Variants in PLXNA4 observed in about 807,000 individuals in gnomAD.
The protein encoded by PLXNA4 is plexin A4.
A neutral mutation model predicts 191.8 loss-of-function variants in PLXNA4; 44 were observed. The observed-to-expected ratio is 0.23, with a 90% confidence interval of 0.18 to 0.29. The LOEUF (loss-of-function observed/expected upper bound fraction) is 0.29. Among genes scored for constraint, PLXNA4 ranks in the 10% least tolerant of loss-of-function variants. The pLI is 1.00. For synonymous variants in PLXNA4, 1,082 were observed against 1,009.5 expected, an observed-to-expected ratio of 1.07 and a Z score of -1.36; for missense variants, 1,800 against 2,488.8, an observed-to-expected ratio of 0.72 and a Z score of 5.89.
At chr7:132,162,801 G>A (rs756495201) in intron 24 of PLXNA4, among the ~76,000 whole-genome samples, 10 of 152,040 alleles carry the variant, frequency 6.6e-5, no homozygotes, top group Admixed American at 2.0e-4. Flanking sequence ...TGGGATTCCC[G>A]GGGCTTTTGG....
intron 20 of PLXNA4, among the ~76,000 whole-genome samples, chr7:132,176,770 ATGAG>A (rs1021551918): frequency 2.0e-5 from 3 of 151,510 alleles, no homozygotes; most frequent in Non-Finnish European, 4.4e-5. Context: ...GTGTGAGTGC[ATGAG>A]TGTGTGTGTA....
rs71529758 is a variant in PLXNA4, at chr7:132,334,252, C to CTTTTTTTTTTT, written c.1372-36041_1372-36031dup. ...TTTCTTTTCTTTTCTTTCTTTCTTT[C>CTTTTTTTTTTT]TTTTTTTTTTTTTTTTTTTTTTTGA... is the stretch of plus-strand genomic sequence containing the variant. On this transcript the variant is annotated intron_variant, in intron 3 of 31. Coordinates refer to ENST00000321063, the MANE Select transcript of PLXNA4 (RefSeq NM_020911.2). Among the ~76,000 whole-genome samples, 40 of 75,596 alleles carry CTTTTTTTTTTT rather than the reference C, an allele frequency of 5.3e-4. 1 individual carries two copies. Among genetic ancestry groups the CTTTTTTTTTTT allele is most frequent in the East Asian group, 1.0e-3 (3 of 2,932 alleles). 49.6% of individuals were successfully genotyped at this position (75,596 alleles called of 152,430 possible).
intron 31 of PLXNA4, among the ~76,000 whole-genome samples, chr7:132,131,484 T>C (rs4731850): frequency 0.75 from 113,090 of 151,742 alleles, 42,384 homozygotes; most frequent in East Asian, 0.83. Flanking sequence ...ACTGATGTTG[T>C]AGTTTGAGGG....
intron 3 of PLXNA4, among the ~76,000 whole-genome samples, chr7:132,345,697 A>C (rs1338955600): frequency 1.3e-5 from 2 of 152,172 alleles, no homozygotes; most frequent in Non-Finnish European, 2.9e-5. Flanking sequence ...GCAGGGCCCC[A>C]GGGGCTCCAG....
At chr7:132,339,727 C>CT (rs1802951883) in intron 3 of PLXNA4, among the ~76,000 whole-genome samples, 1 of 152,166 alleles carries the variant, frequency 6.6e-6, no homozygotes, top group Admixed American at 6.5e-5. Context: ...AATTTTCCAT[C>CT]TTTTTAGGTT....
intron 2 of PLXNA4, among the ~76,000 whole-genome samples, chr7:132,597,848 T>G: frequency 1.9e-5 from 1 of 51,352 alleles, no homozygotes; most frequent in South Asian, 1.5e-3. Context: ...GCGCTCTCTC[T>G]CTCTCTCTCT....
chr7:132,189,056 G>GAGAA (rs1562909273), intron 14 of PLXNA4, among the ~76,000 whole-genome samples: 2 of 102,474 alleles, frequency 2.0e-5, no homozygotes, highest in South Asian at 3.2e-4. Flanking sequence ...GAGAGAGAGA[G>GAGAA]AGAGAGAGAG....
Position 132,406,029 on chromosome 7 carries a change from A to G in PLXNA4, c.1371+83263T>C, listed in dbSNP as rs138213699. ...GCACCATTTGAGCAGCAGGGCAGTG[A>G]CAATGACTCAATGTGGCCTCAGTGC... On this transcript the variant is annotated intron_variant, in intron 3 of 31. Coordinates refer to ENST00000321063, the MANE Select transcript of PLXNA4 (RefSeq NM_020911.2). 9.9e-3 allele frequency among the ~76,000 whole-genome samples: 1,505 copies of G among 152,344 alleles called. 15 individuals are homozygous for G. The highest frequency in any genetic ancestry group is 0.037 in the Middle Eastern group (11 of 294).
Position 132,133,046 on chromosome 7 carries a change from T to TA in PLXNA4, c.5589+2dup. The TA allele has an allele frequency of 6.2e-7, 1 of 1,613,446 alleles. No homozygotes were observed. Among genetic ancestry groups the TA allele is most frequent in the Non-Finnish European group, 8.5e-7 (1 of 1,179,642 alleles). On this transcript the variant is annotated splice_region_variant and intron_variant, in intron 31 of 31. Coordinates refer to ENST00000321063, the MANE Select transcript of PLXNA4 (RefSeq NM_020911.2). Reference sequence around the variant, plus strand: ...AATGGGCCTGGAGCAGGGCAAAGCTTACCTCCTCGCTGTATTTGCCCACAT... The same window carrying TA: ...AATGGGCCTGGAGCAGGGCAAAGCTTAACCTCCTCGCTGTATTTGCCCACAT...
chr7:132,132,422 GTTCT>G (rs1482312345), intron 31 of PLXNA4, among the ~76,000 whole-genome samples: 3 of 76,032 alleles, frequency 3.9e-5, no homozygotes, highest in African/African-American at 1.5e-4. Context: ...GTTCTGTTCT[GTTCT>G]GTTCTGTTCT....
At chr7:132,369,536 G>A (rs1001174577) in intron 3 of PLXNA4, among the ~76,000 whole-genome samples, 1 of 152,092 alleles carries the variant, frequency 6.6e-6, no homozygotes, top group African/African-American at 2.4e-5. Flanking sequence ...TGGAAAGAAT[G>A]GAAGAGCCCC....
chr7:132,187,887 G>A (rs1796931888), intron 14 of PLXNA4, among the ~76,000 whole-genome samples: 1 of 151,970 alleles, frequency 6.6e-6, no homozygotes, highest in Non-Finnish European at 1.5e-5. Flanking sequence ...ATACATGTAT[G>A]TGTATATATC....
At chr7:132,461,644 G>T (rs1796508307) in intron 3 of PLXNA4, among the ~76,000 whole-genome samples, 1 of 152,222 alleles carries the variant, frequency 6.6e-6, no homozygotes, top group Non-Finnish European at 1.5e-5. Context: ...CTGATGTGTG[G>T]AGAAAATTCT....
At chr7:132,385,449 A>G (rs1805086826) in intron 3 of PLXNA4, among the ~76,000 whole-genome samples, 1 of 152,206 alleles carries the variant, frequency 6.6e-6, no homozygotes, top group Admixed American at 6.5e-5. Context: ...TAAGAGCCTC[A>G]ATATCTATGG....
chr7:132,177,314 G>T (rs972513942), intron 20 of PLXNA4, among the ~76,000 whole-genome samples: 2 of 152,206 alleles, frequency 1.3e-5, no homozygotes, highest in Non-Finnish European at 2.9e-5. Context: ...TTAGGCCCAT[G>T]AAGGGCCCAG....
At chr7:132,642,131 CA>C (rs1488613544) in intron 2 of PLXNA4, among the ~76,000 whole-genome samples, 2 of 152,106 alleles carry the variant, frequency 1.3e-5, no homozygotes, top group Non-Finnish European at 2.9e-5. Context: ...ATTTCAATGA[CA>C]TTTTTAATGA....
chr7:132,483,494 T>C (rs2117491659), intron 3 of PLXNA4, among the ~76,000 whole-genome samples: 1 of 152,374 alleles, frequency 6.6e-6, no homozygotes, highest in South Asian at 2.1e-4. Context: ...TTTAATGATA[T>C]GTTTTTGTAA....
chr7:132,153,897 C>T (rs1584771065), intron 25 of PLXNA4, among the ~76,000 whole-genome samples: 1 of 152,028 alleles, frequency 6.6e-6, no homozygotes, highest in East Asian at 1.9e-4. Context: ...TGCAATAACC[C>T]CACTTCCAGT....
intron 3 of PLXNA4, among the ~76,000 whole-genome samples, chr7:132,354,186 C>CGT (rs59554805): frequency 0.015 from 1,991 of 132,600 alleles, 23 homozygotes; most frequent in African/African-American, 0.04. Context: ...ACAGTGTGTG[C>CGT]GTGTGTGTGT....
Sources: gnomAD v4.1 joint callset for allele counts (sites outside exome capture counted in the v4.1 genomes callset) on GRCh38, gnomAD v4.1.1 for gene constraint, MANE v1.5 for transcripts, NCBI Gene and HGNC (gene_info 2026-07-23, HGNC 2026-07-21) for gene names.